The following PLG variants were observed in gnomAD, a reference collection of about 807,000 sequenced individuals.
PLG encodes the protein plasmin.
In PLG, 41 loss-of-function variants were observed where a neutral mutation model predicts 104.4. That is an observed-to-expected ratio of 0.39 (90% CI 0.31 to 0.51). The LOEUF (loss-of-function observed/expected upper bound fraction) is 0.51. PLG is among the 20% of genes least tolerant of loss of function. The probability of loss-of-function intolerance (pLI) is 0.76; values close to 1 mark genes in which losing one functional copy is unlikely to be tolerated. For missense variants in PLG, 891 were observed against 1,003.6 expected, an observed-to-expected ratio of 0.89 and a Z score of 1.52; for synonymous variants, 337 against 357.1, an observed-to-expected ratio of 0.94 and a Z score of 0.63.
rs1215550685 is a variant in PLG, at chr6:160,723,990, G to C, written c.1256+1423G>C. On this transcript the variant is annotated intron_variant, in intron 10 of 18. Coordinates refer to ENST00000308192, the MANE Select transcript of PLG (RefSeq NM_000301.5). This position sits in a 1 kb window ranked among gnomAD's most constrained non-coding sequence, Gnocchi z 4.7. The stretch of plus-strand genomic sequence containing the variant: ...AACACGATCTCCAAGTAAATTAACT[G>C]ATTGCCAGAAGAAAATTCAACCCTT... Among the ~76,000 whole-genome samples, 1 of 152,182 alleles carries C rather than the reference G, an allele frequency of 6.6e-6. No homozygotes were observed. The highest frequency in any genetic ancestry group is 1.5e-5 in the Non-Finnish European group (1 of 68,028).
At chr6:160,721,523 G>C (rs1777827324) in intron 9 of PLG, among the ~76,000 whole-genome samples, 1 of 152,152 alleles carries the variant, frequency 6.6e-6, no homozygotes, top group South Asian at 2.1e-4. Flanking sequence ...GTGGGGCCTG[G>C]GGTGCTAAAG....
rs1777792826 is a variant in PLG at position 160,719,176 on chromosome 6, A to C, written c.1096+338A>C. Among the ~76,000 whole-genome samples, 1 of 152,130 alleles carries C rather than the reference A, an allele frequency of 6.6e-6. No individual in the cohort carries two copies. Among genetic ancestry groups the C allele is most frequent in the African/African-American group, 2.4e-5 (1 of 41,416 alleles). On this transcript the variant is annotated intron_variant, in intron 9 of 18. Transcript: ENST00000308192. The surrounding 1 kb of genome is among the most constrained non-coding windows in gnomAD (Gnocchi z 4.1). ...TCTCCTCCTTCATTGACTACTGTGG[A>C]TGAATGGTGATGTGTCCAACTTTAA...
intron 6 of PLG, 33 bp downstream of exon 6, chr6:160,714,947 A>G: frequency 6.2e-7 from 1 of 1,604,792 alleles, no homozygotes; most frequent in South Asian, 1.1e-5. Flanking sequence ...TTCCATGTTT[A>G]ATTAAGGCTC....
intron 17 of PLG, among the ~76,000 whole-genome samples, chr6:160,747,439 A>G (rs1778295161): frequency 6.6e-6 from 1 of 152,146 alleles, no homozygotes; most frequent in East Asian, 1.9e-4. Context: ...CAGAGGTGCT[A>G]GGAGGGCATT....
In PLG at chr6:160,706,691, C is replaced by T. The variant is rs1044441071; in HGVS notation, c.185+149C>T. ...TTTGCTCACAGTATGTGAAGCCATA[C>T]TAACAGCTTCTTGTTAAGGTTTATT... On this transcript the variant is annotated intron_variant, in intron 2 of 18. Transcript: ENST00000308192. The T allele has an allele frequency of 2.4e-5, 18 of 753,880 alleles. No individual in the cohort carries two copies. In the African/African-American group the frequency reaches 3.1e-4, roughly 13 times the overall value. 46.7% of individuals were successfully genotyped at this position (753,880 alleles called of 1,614,324 possible). A position where few individuals can be genotyped will look rare whatever the true frequency, so the allele number is the denominator to read the frequency against.
rs916734364 is a variant in PLG, at chr6:160,752,980, T to C, written c.2352T>C (p.Cys784=). 2 of 1,611,916 alleles carry C rather than the reference T, an allele frequency of 1.2e-6. No homozygotes were observed. Among genetic ancestry groups the C allele is most frequent in the South Asian group, 1.1e-5 (1 of 90,978 alleles). ...LQGVTSWGLG[C]ARPNKPGVYV... ...GAGTCACTTCTTGGGGTCTTGGCTG[T>C]GCACGCCCCAATAAGCCTGGTGTCT... Residue 784 remains cysteine (C), a synonymous_variant, in exon 19 of 19, where the codon TGT becomes TGC. Coordinates refer to ENST00000308192, the MANE Select transcript of PLG (RefSeq NM_000301.5). This position sits in a 1 kb window ranked among gnomAD's most constrained non-coding sequence, Gnocchi z 4.7.
Position 160,737,023 on chromosome 6 carries a change from G to C in PLG, c.1802+16G>C, listed in dbSNP as rs1322134988. 1 of 1,612,046 alleles carries C rather than the reference G, an allele frequency of 6.2e-7. No homozygotes were observed. The highest frequency in any genetic ancestry group is 1.1e-5 in the South Asian group (1 of 90,986). ...TTAGAACAAGGTAAGAACAGGCCCA[G>C]AAACGATTTATACTGTCCCTCCACG... On this transcript the variant is annotated intron_variant, in intron 14 of 18. Coordinates refer to ENST00000308192, the MANE Select transcript of PLG (RefSeq NM_000301.5). The surrounding 1 kb of genome is among the most constrained non-coding windows in gnomAD (Gnocchi z 4.7).
At chr6:160,706,209 C>A in intron 1 of PLG, 198 bp from the exon 2 acceptor site, 1 of 687,640 alleles carries the variant, frequency 1.5e-6, no homozygotes, top group Non-Finnish European at 2.5e-6. Context: ...TCTTTAGTTG[C>A]CATCTTTATT....
chr6:160,713,347 C>G, intron 5 of PLG: 1 of 492,752 alleles, frequency 2.0e-6, no homozygotes, highest in Non-Finnish European at 3.7e-6. Flanking sequence ...CTCGGCTCAC[C>G]ACAACCTCCG....
chr6:160,709,942 G>T (rs902701154), intron 3 of PLG, among the ~76,000 whole-genome samples: 17 of 152,334 alleles, frequency 1.1e-4, no homozygotes, highest in African/African-American at 3.4e-4. Flanking sequence ...AAACACAAGT[G>T]TACTTGACAC....
At position 160,739,125 on chromosome 6, in the gene PLG, C is replaced by A; in HGVS notation, c.1935C>A (p.Leu645=). 7.4e-6 allele frequency: 12 copies of A among 1,614,078 alleles called. No homozygotes were observed. Among genetic ancestry groups the A allele is most frequent in the Non-Finnish European group, 1.0e-5 (12 of 1,179,992 alleles). Residue 645 remains leucine (L), a synonymous_variant, in exon 16 of 19, where the codon CTC becomes CTA. Transcript: ENST00000308192. The surrounding 1 kb of genome is among the most constrained non-coding windows in gnomAD (Gnocchi z 4.4). The stretch of plus-strand genomic sequence containing the variant: ...TGGGTGCACACCAAGAAGTGAATCT[C>A]GAACCGCATGTTCAGGAAATAGAAG... ...VILGAHQEVN[L]EPHVQEIEVS...
At chr6:160,714,644 AATTTTATT>A in intron 5 of PLG, 142 bp from the exon 6 acceptor site, 3 of 407,426 alleles carry the variant, frequency 7.4e-6, no homozygotes, top group Non-Finnish European at 1.0e-5. Flanking sequence ...CCTTATTGCC[AATTTTATT>A]GCCAAGTGCC....
At position 160,719,930 on chromosome 6, in the gene PLG, A is replaced by C. The variant is rs1441027027; in HGVS notation, c.1096+1092A>C. Among the ~76,000 whole-genome samples the C allele has an allele frequency of 7.2e-5, 11 of 152,166 alleles. No individual in the cohort carries two copies. The South Asian group carries it at 8.3e-4, about 11-fold the overall frequency. On this transcript the variant is annotated intron_variant, in intron 9 of 18. Transcript: ENST00000308192. The surrounding 1 kb of genome is among the most constrained non-coding windows in gnomAD (Gnocchi z 4.1). ...TAAAACTATTTTAAATATTTTCTTT[A>C]TTTATTTATTTTACCATTTCTGGTG...
rs1157244514 is a variant in PLG at position 160,734,261 on chromosome 6, T to TTAGAGGAAC, written c.1681+174_1681+182dup. Reference sequence around the variant, plus strand: ...TCTGCCCTACTATTGGCCACATTTGTTAGAGGAACACCTGCCCATCGCCCC... The same window carrying TTAGAGGAAC: ...TCTGCCCTACTATTGGCCACATTTGTTAGAGGAACTAGAGGAACACCTGCCCATCGCCCC... On this transcript the variant is annotated intron_variant, in intron 13 of 18. Coordinates refer to ENST00000308192, the MANE Select transcript of PLG (RefSeq NM_000301.5). The surrounding 1 kb of genome is among the most constrained non-coding windows in gnomAD (Gnocchi z 4.4). Among the ~76,000 whole-genome samples, 1 of 152,116 alleles carries TTAGAGGAAC rather than the reference T, an allele frequency of 6.6e-6. No homozygotes were observed. Among genetic ancestry groups the TTAGAGGAAC allele is most frequent in the Non-Finnish European group, 1.5e-5 (1 of 68,010 alleles).
At chr6:160,748,134 G>C (rs936460605) in intron 17 of PLG, among the ~76,000 whole-genome samples, 1 of 151,234 alleles carries the variant, frequency 6.6e-6, no homozygotes, top group African/African-American at 2.4e-5. Context: ...GTGAAACCCC[G>C]TCTCTACTAA....
Position 160,739,131 on chromosome 6 carries a change from G to A in PLG, c.1941G>A (p.Pro647=), listed in dbSNP as rs61731712. Residue 647 remains proline (P), a synonymous_variant, in exon 16 of 19, where the codon CCG becomes CCA. Transcript: ENST00000308192. The surrounding 1 kb of genome is among the most constrained non-coding windows in gnomAD (Gnocchi z 4.4). ...LGAHQEVNLE[P]HVQEIEVSRL... Reference sequence around the variant, plus strand: ...CACACCAAGAAGTGAATCTCGAACCGCATGTTCAGGAAATAGAAGTGTCTA... The same window carrying A: ...CACACCAAGAAGTGAATCTCGAACCACATGTTCAGGAAATAGAAGTGTCTA... 186 of 1,613,926 alleles carry A rather than the reference G, an allele frequency of 1.2e-4. No homozygotes were observed. The highest frequency in any genetic ancestry group is 9.7e-5 in the Non-Finnish European group (114 of 1,180,006).
At position 160,736,139 on chromosome 6, in the gene PLG, C is replaced by T. The variant is rs1401041217; in HGVS notation, c.1682-748C>T. Among the ~76,000 whole-genome samples, 1 of 152,170 alleles carries T rather than the reference C, an allele frequency of 6.6e-6. No individual in the cohort carries two copies. The highest frequency in any genetic ancestry group is 1.9e-4 in the East Asian group (1 of 5,190). On this transcript the variant is annotated intron_variant, in intron 13 of 18. Transcript: ENST00000308192. This position sits in a 1 kb window ranked among gnomAD's most constrained non-coding sequence, Gnocchi z 5.2. Reference sequence around the variant, plus strand: ...GCATTTTTGAATACCCTCTGCAGCCCCTGCACTGTTGTAGGCATTGGTGGA... The same window carrying T: ...GCATTTTTGAATACCCTCTGCAGCCTCTGCACTGTTGTAGGCATTGGTGGA...
rs1777872471 is a variant in PLG, at chr6:160,723,177, T to C, written c.1256+610T>C. Among the ~76,000 whole-genome samples, 1 of 129,038 alleles carries C rather than the reference T, an allele frequency of 7.7e-6. No homozygotes were observed. Among genetic ancestry groups the C allele is most frequent in the Admixed American group, 7.3e-5 (1 of 13,704 alleles). 84.7% of individuals were successfully genotyped at this position (129,038 alleles called of 152,430 possible). A position where few individuals can be genotyped will look rare whatever the true frequency, so the allele number is the denominator to read the frequency against. The stretch of plus-strand genomic sequence containing the variant: ...TTAGAATATATATAACATAAATATG[T>C]ATATATATATATTCTGACCTGTATA... On this transcript the variant is annotated intron_variant, in intron 10 of 18. Coordinates refer to ENST00000308192, the MANE Select transcript of PLG (RefSeq NM_000301.5). This position sits in a 1 kb window ranked among gnomAD's most constrained non-coding sequence, Gnocchi z 4.7.
At chr6:160,718,887 T>G in intron 9 of PLG, 49 bp downstream of exon 9, 1 of 1,527,046 alleles carries the variant, frequency 6.5e-7, no homozygotes, top group Non-Finnish European at 9.1e-7. Context: ...TTCTCCTTAT[T>G]TTTGTATACC....
Sources: allele counts gnomAD v4.1 joint callset (sites outside exome capture counted in the v4.1 genomes callset), GRCh38; gene constraint gnomAD v4.1.1; non-coding constraint Gnocchi (gnomAD v3.1); transcripts MANE v1.5; gene names NCBI Gene and HGNC (gene_info 2026-07-23, HGNC 2026-07-21).